CAPZA2: variants seen among roughly 807,000 people sequenced by gnomAD.
CAPZA2 encodes F-actin-capping protein subunit alpha-2.
A neutral mutation model predicts 44.0 loss-of-function variants in CAPZA2; 13 were observed. That is an observed-to-expected ratio of 0.30 (90% confidence interval 0.19 to 0.47). The LOEUF (loss-of-function observed/expected upper bound fraction) is 0.47, where lower values mean the gene tolerates loss of function less well. Ranked by LOEUF, CAPZA2 falls within the 20% of genes least tolerant of loss-of-function variation. The pLI is 1.00. For missense variants in CAPZA2, 244 were observed against 338.6 expected (o/e 0.72, Z 2.19); for synonymous variants, 94 against 108.2 (o/e 0.87, Z 0.81).
chr7:116,909,565 C>T (rs763663367), intron 6 of CAPZA2, among the ~76,000 whole-genome samples: 7 of 150,256 alleles, frequency 4.7e-5, no homozygotes, highest in Non-Finnish European at 7.4e-5. Context: ...AGACTTTAAA[C>T]ATAAAATTGG....
At chr7:116,884,365 ACT>A (rs35901446) in intron 1 of CAPZA2, among the ~76,000 whole-genome samples, 33,868 of 151,638 alleles carry the variant, frequency 0.22, 3,883 homozygotes, top group East Asian at 0.4. Flanking sequence ...CCACCCCAGA[ACT>A]CTGTTTCTTT....
intron 1 of CAPZA2, among the ~76,000 whole-genome samples, chr7:116,869,423 G>T (rs763367661): frequency 1.3e-5 from 2 of 152,186 alleles, no homozygotes; most frequent in Non-Finnish European, 2.9e-5. Flanking sequence ...TACTGGAAAT[G>T]ACTTTTGAAA....
chr7:116,884,616 T>C (rs190558539), intron 1 of CAPZA2, among the ~76,000 whole-genome samples: 283 of 152,358 alleles, frequency 1.9e-3, no homozygotes, highest in African/African-American at 5.8e-3. Context: ...TTTTTATTGC[T>C]GAGTGATATT....
chr7:116,898,920 A>G, intron 4 of CAPZA2, 85 bp downstream of exon 4: 1 of 756,300 alleles, frequency 1.3e-6, no homozygotes, highest in South Asian at 1.9e-5. Context: ...ATGCTGCAAG[A>G]TAAAAAATTA....
At chr7:116,886,747 A>C (rs898959581) in intron 1 of CAPZA2, among the ~76,000 whole-genome samples, 2 of 152,212 alleles carry the variant, frequency 1.3e-5, no homozygotes, top group Non-Finnish European at 1.5e-5. Flanking sequence ...TGCACTTTTG[A>C]CAAGGTGCTG....
In CAPZA2 at chr7:116,920,341, A is replaced by T. The variant is rs1233457848; in HGVS notation, c.*2474A>T. ...AGCTCAGGGATGTAATTTTAGTAGG[A>T]GACATTATGGCTGCTTTGCTGAGTA... On this transcript the variant is annotated 3_prime_UTR_variant, in exon 10 of 10. Coordinates refer to ENST00000361183, the MANE Select transcript of CAPZA2 (RefSeq NM_006136.3). 3 of 152,220 alleles carry T rather than the reference A, an allele frequency of 2.0e-5. No individual in the cohort carries two copies. The highest frequency in any genetic ancestry group is 4.4e-5 in the Non-Finnish European group (3 of 68,074). The allele number at this position is 152,220 out of a possible 1,614,324, so 9.4% of individuals were successfully genotyped here.
chr7:116,917,321 C>G (rs935534656), intron 9 of CAPZA2, among the ~76,000 whole-genome samples: 1 of 152,200 alleles, frequency 6.6e-6, no homozygotes, highest in African/African-American at 2.4e-5. Context: ...GTGGCGCGAT[C>G]TCGCCTCACT....
chr7:116,881,543 T>G (rs757387375), intron 1 of CAPZA2, among the ~76,000 whole-genome samples: 17 of 151,820 alleles, frequency 1.1e-4, no homozygotes, highest in Non-Finnish European at 2.2e-4. Context: ...ATCAAGACCA[T>G]CCTGGCTAAC....
intron 1 of CAPZA2, among the ~76,000 whole-genome samples, chr7:116,881,742 A>AG (rs1174415372): frequency 6.8e-6 from 1 of 147,654 alleles, no homozygotes; most frequent in Non-Finnish European, 1.5e-5. Flanking sequence ...CTGTCTCAAA[A>AG]AAAAAAAAAA....
At chr7:116,904,640 C>T (rs1791462638) in intron 5 of CAPZA2, 1 of 360,208 alleles carries the variant, frequency 2.8e-6, no homozygotes, top group Non-Finnish European at 5.0e-6. Flanking sequence ...ATTAAAGGAG[C>T]AGGATATGGT....
At chr7:116,914,251 G>T (rs376352741) in intron 8 of CAPZA2, among the ~76,000 whole-genome samples, 2 of 151,654 alleles carry the variant, frequency 1.3e-5, no homozygotes, top group African/African-American at 4.8e-5. Context: ...GGATGGTCTC[G>T]ATCTCCTGAC....
At chr7:116,898,510 C>A (rs1796954063) in intron 3 of CAPZA2, among the ~76,000 whole-genome samples, 1 of 151,946 alleles carries the variant, frequency 6.6e-6, no homozygotes, top group African/African-American at 2.4e-5. Flanking sequence ...TTTTCAGGTT[C>A]TTGAATGAAA....
intron 2 of CAPZA2, among the ~76,000 whole-genome samples, chr7:116,891,946 A>C (rs540898416): frequency 6.6e-6 from 1 of 152,372 alleles, no homozygotes; most frequent in African/African-American, 2.4e-5. Flanking sequence ...AAGTACAAAA[A>C]AGAATCTAAA....
chr7:116,915,984 T>C, intron 8 of CAPZA2, 76 bp from the exon 9 acceptor site: 1 of 969,470 alleles, frequency 1.0e-6, no homozygotes, highest in Non-Finnish European at 1.5e-6. Flanking sequence ...AACATTACAT[T>C]AACCATACAT....
intron 1 of CAPZA2, among the ~76,000 whole-genome samples, chr7:116,871,919 G>C (rs1438834885): frequency 1.3e-5 from 2 of 152,320 alleles, no homozygotes; most frequent in African/African-American, 4.8e-5. Context: ...ATCAACTGGA[G>C]AGTTTATAAA....
intron 6 of CAPZA2, chr7:116,906,621 C>T (rs1311735676): frequency 6.4e-6 from 2 of 310,986 alleles, no homozygotes; most frequent in African/African-American, 2.2e-5. Flanking sequence ...AGTTGGCAAT[C>T]CATATGCTCA....
At chr7:116,897,253 T>C (rs1186350595) in intron 3 of CAPZA2, among the ~76,000 whole-genome samples, 1 of 152,174 alleles carries the variant, frequency 6.6e-6, no homozygotes, top group Non-Finnish European at 1.5e-5. Flanking sequence ...GATAAATCAT[T>C]TAAGGATTAA....
At chr7:116,909,893 G>A (rs1317936812) in intron 6 of CAPZA2, 1 of 221,716 alleles carries the variant, frequency 4.5e-6, no homozygotes, top group East Asian at 1.0e-4. Context: ...CTAGTCAAGT[G>A]GAGATGGAAC....
intron 3 of CAPZA2, among the ~76,000 whole-genome samples, chr7:116,894,831 T>G (rs1796903850): frequency 6.6e-6 from 1 of 152,206 alleles, no homozygotes; most frequent in Admixed American, 6.5e-5. Flanking sequence ...TGTCAGAATT[T>G]CCTTCCTTTT....
Sources: gnomAD v4.1 joint callset for allele counts (sites outside exome capture counted in the v4.1 genomes callset) on GRCh38, gnomAD v4.1.1 for gene constraint, MANE v1.5 for transcripts, NCBI Gene and HGNC (gene_info 2026-07-23, HGNC 2026-07-21) for gene names.